Variants in GABRA5 observed in about 807,000 individuals in gnomAD.
GABRA5 encodes the protein gamma-aminobutyric acid receptor subunit alpha-5.
In GABRA5, 18 loss-of-function variants were observed where a neutral mutation model predicts 47.3. The observed-to-expected ratio is 0.38, with a 90% CI of 0.26 to 0.56. The LOEUF (loss-of-function observed/expected upper bound fraction) is 0.56. GABRA5 is among the 20% of genes least tolerant of loss of function. The pLI, the probability that GABRA5 is intolerant of heterozygous loss-of-function variation, is 0.71. For synonymous variants in GABRA5, 237 were observed against 229.3 expected (o/e 1.03, Z -0.30); for missense variants, 365 against 599.3 (o/e 0.61, Z 4.08).
At chr15:26,939,488 T>A in intron 8 of GABRA5, 1 of 728,926 alleles carries the variant, frequency 1.4e-6, no homozygotes, top group Middle Eastern at 2.6e-4. Context: ...CTGGTGGGAG[T>A]GGTCGTCTCA....
chr15:26,890,499 C>T (rs569692024), intron 6 of GABRA5, among the ~76,000 whole-genome samples: 1 of 145,596 alleles, frequency 6.9e-6, no homozygotes, highest in East Asian at 2.0e-4. Flanking sequence ...TGAATTGAGC[C>T]TTGTTCCCAA....
At chr15:26,900,674 G>A (rs1308118433) in intron 6 of GABRA5, among the ~76,000 whole-genome samples, 1 of 151,844 alleles carries the variant, frequency 6.6e-6, no homozygotes, top group Admixed American at 6.6e-5. Context: ...TGGCACATAT[G>A]TTACAACTGA....
At chr15:26,924,805 C>T (rs754199951) in intron 7 of GABRA5, among the ~76,000 whole-genome samples, 5 of 152,136 alleles carry the variant, frequency 3.3e-5, no homozygotes, top group East Asian at 3.9e-4. Context: ...GTGGCTAGAT[C>T]GCACAGGCAT....
chr15:26,890,572 C>T (rs767996896), intron 6 of GABRA5, among the ~76,000 whole-genome samples: 1 of 152,026 alleles, frequency 6.6e-6, no homozygotes, highest in Non-Finnish European at 1.5e-5. Flanking sequence ...TCCCGCCGAT[C>T]TCCCTGTAGG....
intron 7 of GABRA5, among the ~76,000 whole-genome samples, chr15:26,931,721 T>C (rs1444401848): frequency 6.6e-6 from 1 of 152,202 alleles, no homozygotes; most frequent in African/African-American, 2.4e-5. Context: ...ATGAGGACCA[T>C]GCTTTGAGCT....
At chr15:26,928,020 A>G (rs2140306077) in intron 7 of GABRA5, among the ~76,000 whole-genome samples, 1 of 152,368 alleles carries the variant, frequency 6.6e-6, no homozygotes, top group South Asian at 2.1e-4. Context: ...GGAAGCAAAT[A>G]CTTAAACACA....
chr15:26,929,827 C>A (rs949561961), intron 7 of GABRA5, among the ~76,000 whole-genome samples: 4 of 152,204 alleles, frequency 2.6e-5, no homozygotes, highest in African/African-American at 9.7e-5. Context: ...TCTTGCACAG[C>A]AGCTCTTGGC....
intron 3 of GABRA5, among the ~76,000 whole-genome samples, chr15:26,878,468 A>T (rs749048970): frequency 6.6e-6 from 1 of 151,966 alleles, no homozygotes; most frequent in African/African-American, 2.4e-5. Context: ...AGGATGGCCT[A>T]TGGACAGAGG....
chr15:26,879,602 C>T (rs1037999247), intron 3 of GABRA5, among the ~76,000 whole-genome samples: 1 of 152,122 alleles, frequency 6.6e-6, no homozygotes, highest in Non-Finnish European at 1.5e-5. Context: ...TCTTTATTCT[C>T]TCATTCTATT....
chr15:26,893,432 TGGC>T (rs1893089737), intron 6 of GABRA5, among the ~76,000 whole-genome samples: 25 of 123,638 alleles, frequency 2.0e-4, no homozygotes, highest in South Asian at 6.6e-4. Context: ...GTATGGTGTG[TGGC>T]GTGTGTGTGA....
intron 6 of GABRA5, among the ~76,000 whole-genome samples, chr15:26,892,138 G>A (rs1370899851): frequency 2.0e-5 from 3 of 152,238 alleles, no homozygotes; most frequent in Non-Finnish European, 2.9e-5. Flanking sequence ...AGTGTTTCCC[G>A]GTTGGCCCGG....
intron 7 of GABRA5, among the ~76,000 whole-genome samples, chr15:26,922,246 T>C (rs1893859999): frequency 6.6e-6 from 1 of 152,224 alleles, no homozygotes; most frequent in Non-Finnish European, 1.5e-5. Context: ...AAATCAATTT[T>C]TGTTACACAT....
chr15:26,919,051 A>T lies in GABRA5; in HGVS notation c.580+4166A>T, dbSNP rs80244738. Reference sequence around the variant, plus strand: ...ACAGCTATTTGGGAGGATGAGGCAGAAGGATCACCTGAACCTAGGAGGCAG... The same window carrying T: ...ACAGCTATTTGGGAGGATGAGGCAGTAGGATCACCTGAACCTAGGAGGCAG... On this transcript the variant is annotated intron_variant, in intron 7 of 10. Coordinates refer to ENST00000335625, the MANE Select transcript of GABRA5 (RefSeq NM_000810.4). Among the ~76,000 whole-genome samples, 1,591 of 152,228 alleles carry T rather than the reference A, an allele frequency of 0.01. 113 individuals are homozygous for T. In the East Asian group the frequency reaches 0.19, roughly 18 times the overall value.
chr15:26,891,536 A>AGGT (rs1292334055), intron 6 of GABRA5, among the ~76,000 whole-genome samples: 1 of 152,208 alleles, frequency 6.6e-6, no homozygotes, highest in Non-Finnish European at 1.5e-5. Context: ...AATGTCCACG[A>AGGT]GGTGGCGCCG....
chr15:26,877,051 T>C (rs923024631), intron 3 of GABRA5, among the ~76,000 whole-genome samples: 4 of 152,126 alleles, frequency 2.6e-5, no homozygotes, highest in South Asian at 2.1e-4. Flanking sequence ...TCCATGAAGA[T>C]TGAGGAATAC....
rs374326388 is a variant in GABRA5, at chr15:26,881,043, G to A, written c.208+76G>A. 3.4e-5 allele frequency: 51 copies of A among 1,504,270 alleles called. 1 individual carries two copies. The highest frequency in any genetic ancestry group is 2.3e-4 in the East Asian group (10 of 42,876). 93.2% of individuals were successfully genotyped at this position (1,504,270 alleles called of 1,614,324 possible). On this transcript the variant is annotated intron_variant, in intron 4 of 10. Coordinates refer to ENST00000335625, the MANE Select transcript of GABRA5 (RefSeq NM_000810.4). Reference sequence around the variant, plus strand: ...AGTCTCGTCTCAAGCTTGTGTTTGCGCTGATTCAAACAATTCCTAAAAGAG... The same window carrying A: ...AGTCTCGTCTCAAGCTTGTGTTTGCACTGATTCAAACAATTCCTAAAAGAG...
At chr15:26,933,354 A>C (rs986418128) in intron 7 of GABRA5, among the ~76,000 whole-genome samples, 6 of 152,238 alleles carry the variant, frequency 3.9e-5, no homozygotes, top group Non-Finnish European at 5.9e-5. Flanking sequence ...TTCCATGAGG[A>C]AATTGGAAAT....
At chr15:26,915,805 C>T (rs2140295712) in intron 7 of GABRA5, among the ~76,000 whole-genome samples, 1 of 152,286 alleles carries the variant, frequency 6.6e-6, no homozygotes, top group South Asian at 2.1e-4. Context: ...GGCTATCCCA[C>T]TCCTCTGCTG....
chr15:26,914,139 T>C (rs1252680504), intron 6 of GABRA5, among the ~76,000 whole-genome samples: 1 of 152,134 alleles, frequency 6.6e-6, no homozygotes, highest in African/African-American at 2.4e-5. Flanking sequence ...GGTGATATTA[T>C]AATTTGGAAG....
Sources: gnomAD v4.1 joint callset for allele counts (sites outside exome capture counted in the v4.1 genomes callset) on GRCh38, gnomAD v4.1.1 for gene constraint, MANE v1.5 for transcripts, NCBI Gene and HGNC (gene_info 2026-07-23, HGNC 2026-07-21) for gene names.